Variants in SGCZ observed in about 807,000 individuals in gnomAD.
SGCZ encodes sarcoglycan zeta.
Under a neutral mutation model 41.3 loss-of-function variants are expected in SGCZ, and 40 were observed. The observed-to-expected ratio is 0.97, with a 90% CI of 0.75 to 1.26. SGCZ has a LOEUF of 1.26. Ranked by LOEUF, SGCZ falls within the 50% of genes most tolerant of loss-of-function variation. SGCZ has a pLI of 0.00. For missense variants in SGCZ, 552 were observed against 369.8 expected, an observed-to-expected ratio of 1.49 and a Z score of -4.04; for synonymous variants, 206 against 137.5, an observed-to-expected ratio of 1.50 and a Z score of -3.49.
chr8:14,188,949 G>T (rs192643166), intron 4 of SGCZ, among the ~76,000 whole-genome samples: 4 of 150,726 alleles, frequency 2.7e-5, no homozygotes, highest in Admixed American at 2.6e-4. Context: ...TCCATCACCC[G>T]GGTTCAAGCA....
intron 2 of SGCZ, among the ~76,000 whole-genome samples, chr8:14,347,473 C>T (rs17119131): frequency 0.12 from 17,678 of 151,826 alleles, 1,351 homozygotes; most frequent in East Asian, 0.27. Flanking sequence ...AATTGTGTGA[C>T]TTTTCTTTTC....
At chr8:14,744,361 C>T (rs982130681) in intron 1 of SGCZ, among the ~76,000 whole-genome samples, 1 of 152,126 alleles carries the variant, frequency 6.6e-6, no homozygotes, top group African/African-American at 2.4e-5. Context: ...GGCCAGAACA[C>T]ATTCCAAAGC....
At chr8:15,150,769 G>A (rs1009809468) in intron 1 of SGCZ, among the ~76,000 whole-genome samples, 10 of 152,246 alleles carry the variant, frequency 6.6e-5, no homozygotes, top group South Asian at 2.1e-4. Flanking sequence ...AAGATAACAC[G>A]TATTTGTTTC....
At chr8:14,576,943 A>T (rs938139580) in intron 1 of SGCZ, among the ~76,000 whole-genome samples, 5 of 152,230 alleles carry the variant, frequency 3.3e-5, no homozygotes, top group African/African-American at 1.2e-4. Context: ...GAGGACATTC[A>T]TTCAAAGAGT....
chr8:14,454,083 C>T lies in SGCZ; in HGVS notation c.234+100649G>A, dbSNP rs117500410. Among the ~76,000 whole-genome samples the T allele has an allele frequency of 9.9e-4, 150 of 152,162 alleles. 3 individuals carry two copies. In the East Asian group the frequency reaches 0.028, roughly 28 times the overall value. On this transcript the variant is annotated intron_variant, in intron 2 of 7. Transcript: ENST00000382080. ...TCCAGTTGCTATCTACGATGACGTC[C>T]GCAGCAAGAATTTGGGGAATGGCCA...
chr8:14,377,734 G>A (rs907689637), intron 2 of SGCZ, among the ~76,000 whole-genome samples: 2 of 148,714 alleles, frequency 1.3e-5, no homozygotes, highest in African/African-American at 5.0e-5. Flanking sequence ...CTATGTCCAT[G>A]TGATCTCATT....
At chr8:14,823,051 C>A in intron 1 of SGCZ, among the ~76,000 whole-genome samples, 1 of 94,048 alleles carries the variant, frequency 1.1e-5, no homozygotes, top group Non-Finnish European at 1.9e-5. Flanking sequence ...CACACCAATC[C>A]TCATAAAAAA....
At chr8:14,612,986 A>G (rs1366826499) in intron 1 of SGCZ, among the ~76,000 whole-genome samples, 2 of 152,130 alleles carry the variant, frequency 1.3e-5, no homozygotes, top group Non-Finnish European at 2.9e-5. Context: ...ATGCCCAGGA[A>G]AAAGCAGATT....
intron 1 of SGCZ, among the ~76,000 whole-genome samples, chr8:14,724,458 T>C (rs11991878): frequency 0.3 from 44,836 of 151,610 alleles, 7,053 homozygotes; most frequent in East Asian, 0.42. Context: ...TGTATTATTA[T>C]ATTAACTTCA....
chr8:14,598,256 T>G (rs1805477136), intron 1 of SGCZ, among the ~76,000 whole-genome samples: 1 of 145,314 alleles, frequency 6.9e-6, no homozygotes. Context: ...ACATGGCCTC[T>G]TTGAGTATCT....
At chr8:14,820,080 TAAATGGAGAAA>T (rs756790804) in intron 1 of SGCZ, among the ~76,000 whole-genome samples, 12 of 151,586 alleles carry the variant, frequency 7.9e-5, no homozygotes, top group African/African-American at 1.7e-4. Context: ...ATAGAGTGGC[TAAATGGAGAAA>T]AAATGGAGAA....
At chr8:14,495,136 T>G (rs183887550) in intron 2 of SGCZ, among the ~76,000 whole-genome samples, 1 of 152,132 alleles carries the variant, frequency 6.6e-6, no homozygotes, top group African/African-American at 2.4e-5. Flanking sequence ...ACCAAGCGCT[T>G]GTAGAGTTTA....
intron 1 of SGCZ, among the ~76,000 whole-genome samples, chr8:15,166,383 G>A (rs960571519): frequency 1.3e-5 from 2 of 151,898 alleles, no homozygotes; most frequent in Middle Eastern, 6.3e-3. Flanking sequence ...GGGTAGCTGG[G>A]ACTACAGGCG....
chr8:14,109,224 C>CT (rs1346687199), intron 5 of SGCZ, among the ~76,000 whole-genome samples: 1 of 152,172 alleles, frequency 6.6e-6, no homozygotes, highest in Non-Finnish European at 1.5e-5. Flanking sequence ...GTCATATACT[C>CT]TAACACTTTT....
At chr8:14,606,637 G>A (rs1286726753) in intron 1 of SGCZ, among the ~76,000 whole-genome samples, 1 of 152,074 alleles carries the variant, frequency 6.6e-6, no homozygotes, top group African/African-American at 2.4e-5. Context: ...AATTAAATAG[G>A]TTTACTGTTT....
At chr8:14,477,468 C>A (rs1021393628) in intron 2 of SGCZ, among the ~76,000 whole-genome samples, 4 of 152,048 alleles carry the variant, frequency 2.6e-5, no homozygotes, top group African/African-American at 9.7e-5. Context: ...TATTAGTATT[C>A]TAAATGGAGT....
At chr8:14,648,592 G>T (rs1807299555) in intron 1 of SGCZ, among the ~76,000 whole-genome samples, 2 of 151,984 alleles carry the variant, frequency 1.3e-5, no homozygotes, top group Non-Finnish European at 2.9e-5. Context: ...GTTTGTCAAA[G>T]AAAAGGTTTT....
intron 1 of SGCZ, among the ~76,000 whole-genome samples, chr8:15,102,413 G>A (rs990874957): frequency 6.6e-6 from 1 of 152,106 alleles, no homozygotes; most frequent in Non-Finnish European, 1.5e-5. Flanking sequence ...TTAGGGCAGT[G>A]AAACTAACCT....
At chr8:14,791,255 C>G (rs11989386) in intron 1 of SGCZ, among the ~76,000 whole-genome samples, 5,573 of 151,878 alleles carry the variant, frequency 0.037, 343 homozygotes, top group African/African-American at 0.13. Flanking sequence ...TTTTAGTTTG[C>G]CAGAGACTGC....
Sources: gnomAD v4.1 joint callset for allele counts (sites outside exome capture counted in the v4.1 genomes callset) on GRCh38, gnomAD v4.1.1 for gene constraint, MANE v1.5 for transcripts, NCBI Gene and HGNC (gene_info 2026-07-23, HGNC 2026-07-21) for gene names.